Variants in AFG3L2 observed in about 807,000 individuals in gnomAD.
AFG3L2 encodes the protein AFG3 like matrix AAA peptidase subunit 2.
AFG3L2 carries 54 observed loss-of-function variants against 94.5 expected under a neutral mutation model. The ratio of observed to expected loss-of-function variants is 0.57; its 90% CI spans 0.46 to 0.72. The LOEUF (loss-of-function observed/expected upper bound fraction) is 0.72. AFG3L2 is among the 30% of genes least tolerant of loss of function. AFG3L2 has a pLI of 0.00. For synonymous variants in AFG3L2, 377 were observed against 365.5 expected (o/e 1.03, Z -0.36); for missense variants, 754 against 994.9 (o/e 0.76, Z 3.26).
Position 12,370,221 on chromosome 18 carries a change from T to G in AFG3L2, c.292+628A>C, listed in dbSNP as rs138903911. On this transcript the variant is annotated intron_variant, in intron 3 of 16. Coordinates refer to ENST00000269143, the MANE Select transcript of AFG3L2 (RefSeq NM_006796.3). ...AACACTGCCCTAAACACAATATGTA[T>G]CAAATAAATTGCATGTATTAGATTT... Among the ~76,000 whole-genome samples, 892 of 152,224 alleles carry G rather than the reference T, an allele frequency of 5.9e-3. 8 individuals carry two copies. The highest frequency in any genetic ancestry group is 0.02 in the African/African-American group (845 of 41,550).
At chr18:12,351,542 G>GTTT in intron 10 of AFG3L2, 129 bp from the exon 11 acceptor site, 3 of 723,758 alleles carry the variant, frequency 4.1e-6, no homozygotes, top group East Asian at 3.0e-5. Flanking sequence ...ATTATCTAGT[G>GTTT]TTTTTTGTTT....
At chr18:12,339,561 A>AC (rs1443905372) in intron 15 of AFG3L2, among the ~76,000 whole-genome samples, 3 of 150,424 alleles carry the variant, frequency 2.0e-5, no homozygotes, top group Admixed American at 6.6e-5. Flanking sequence ...TCAAAAAAAA[A>AC]AAAAAACAAA....
In AFG3L2 at chr18:12,371,478, A is replaced by AT. The variant is rs1908988676; in HGVS notation, c.214+113dup. ...CAAATGTGTTACATTTGAAGATGAC[A>AT]TATCTTCATCGCTGTAATCAGACAT... On this transcript the variant is annotated intron_variant, in intron 2 of 16. Transcript: ENST00000269143. 5 of 822,614 alleles carry AT rather than the reference A, an allele frequency of 6.1e-6. No homozygotes were observed. The East Asian group carries it at 1.3e-4, about 21-fold the overall frequency. The allele number at this position is 822,614 out of a possible 1,614,324, so 51.0% of individuals were successfully genotyped here. A position where few individuals can be genotyped will look rare whatever the true frequency, so the allele number is the denominator to read the frequency against.
At chr18:12,351,059 T>C (rs778918433) in intron 12 of AFG3L2, 26 bp downstream of exon 12, 44 of 1,611,958 alleles carry the variant, frequency 2.7e-5, no homozygotes, top group Non-Finnish European at 8.5e-7. Flanking sequence ...TGCTTCTAAA[T>C]AGGGTCCTCG....
chr18:12,369,174 A>G (rs1226824417), intron 3 of AFG3L2, among the ~76,000 whole-genome samples: 2 of 152,096 alleles, frequency 1.3e-5, no homozygotes, highest in African/African-American at 4.8e-5. Context: ...CAACACTCCA[A>G]ACCACTCAGG....
At chr18:12,342,428 T>C (rs1227420191) in intron 14 of AFG3L2, 15 of 152,236 alleles carry the variant, frequency 9.9e-5, no homozygotes. Context: ...CTAAGAGTTC[T>C]TTACAGGTTC....
chr18:12,350,434 G>A (rs1184866032), intron 12 of AFG3L2, among the ~76,000 whole-genome samples: 2 of 148,860 alleles, frequency 1.3e-5, no homozygotes, highest in Non-Finnish European at 2.9e-5. Flanking sequence ...TTAAAAAAAC[G>A]CTTAGGAATA....
Position 12,363,867 on chromosome 18 carries a change from A to T in AFG3L2, c.553-11T>A, listed in dbSNP as rs1908731434. On this transcript the variant is annotated splice_polypyrimidine_tract_variant and intron_variant, in intron 5 of 16. Transcript: ENST00000269143. ...TTCCAATCTGTCTACCTAGAATTTT[A>T]AAAATAAATTCACACATAAATTCAC... 4.4e-6 allele frequency: 7 copies of T among 1,601,172 alleles called. No individual in the cohort carries two copies. Among genetic ancestry groups the T allele is most frequent in the Non-Finnish European group, 6.0e-6 (7 of 1,168,750 alleles).
intron 5 of AFG3L2, among the ~76,000 whole-genome samples, chr18:12,364,646 T>A (rs976804798): frequency 1.3e-5 from 2 of 152,184 alleles, no homozygotes; most frequent in Admixed American, 6.5e-5. Context: ...AGCTTTTTTT[T>A]AAATTGAATC....
At chr18:12,358,589 A>G in intron 8 of AFG3L2, 81 bp downstream of exon 8, 1 of 1,495,814 alleles carries the variant, frequency 6.7e-7, no homozygotes, top group Non-Finnish European at 9.1e-7. Context: ...AGCTATCTAT[A>G]ATAAGTAATC....
chr18:12,346,937 G>T (rs1389612844), intron 13 of AFG3L2, among the ~76,000 whole-genome samples: 8 of 136,878 alleles, frequency 5.8e-5, no homozygotes, highest in Non-Finnish European at 1.2e-4. Context: ...AGGAGTTAGA[G>T]ACCAGCCTGG....
chr18:12,366,106 G>A (rs923198988), intron 5 of AFG3L2, among the ~76,000 whole-genome samples: 6 of 151,970 alleles, frequency 3.9e-5, no homozygotes, highest in Non-Finnish European at 8.8e-5. Context: ...TCAATCTCCT[G>A]ACCTCGTGAT....
At chr18:12,368,688 C>A (rs1908883785) in intron 3 of AFG3L2, among the ~76,000 whole-genome samples, 1 of 152,136 alleles carries the variant, frequency 6.6e-6, no homozygotes, top group South Asian at 2.1e-4. Flanking sequence ...GCAACCTCTG[C>A]CTTCCAGGTT....
At chr18:12,367,237 A>T in intron 4 of AFG3L2, 39 bp downstream of exon 4, 2 of 1,613,648 alleles carry the variant, frequency 1.2e-6, no homozygotes, top group Non-Finnish European at 1.7e-6. Flanking sequence ...CTGGGCCACC[A>T]TCATAACCTC....
rs369807161 is a variant in AFG3L2, at chr18:12,337,919, G to A, written c.1981-384C>T. Among the ~76,000 whole-genome samples, 52 of 152,232 alleles carry A rather than the reference G, an allele frequency of 3.4e-4. No individual in the cohort carries two copies. In the East Asian group the frequency reaches 6.2e-3, roughly 18 times the overall value. ...CAAGCAGCTGGGATTATAGGCACCTGCCACCACTCCCGGCTAATTTTTGTA... is the reference window on the plus strand; with the variant it reads ...CAAGCAGCTGGGATTATAGGCACCTACCACCACTCCCGGCTAATTTTTGTA... On this transcript the variant is annotated intron_variant, in intron 15 of 16. Coordinates refer to ENST00000269143, the MANE Select transcript of AFG3L2 (RefSeq NM_006796.3).
Position 12,367,391 on chromosome 18 carries a change from A to C in AFG3L2, c.293-9T>G. 9 of 1,613,706 alleles carry C rather than the reference A, an allele frequency of 5.6e-6. No individual in the cohort carries two copies. The highest frequency in any genetic ancestry group is 6.8e-6 in the Non-Finnish European group (8 of 1,179,780). ...AGCAGCTGGCTTTGATTCTGTTCAT[A>C]AACAAAGAGCACACACAGAAGCACG... is the stretch of plus-strand genomic sequence containing the variant. On this transcript the variant is annotated splice_polypyrimidine_tract_variant and intron_variant, in intron 3 of 16. Transcript: ENST00000269143.
At position 12,344,122 on chromosome 18, in the gene AFG3L2, C is replaced by A; in HGVS notation, c.1779+10G>T. 6.2e-7 allele frequency: 1 copy of A among 1,611,768 alleles called. No individual in the cohort carries two copies. The highest frequency in any genetic ancestry group is 8.5e-7 in the Non-Finnish European group (1 of 1,179,250). On this transcript the variant is annotated intron_variant, in intron 14 of 16. Coordinates refer to ENST00000269143, the MANE Select transcript of AFG3L2 (RefSeq NM_006796.3). ...TGCACTGGCTGCCTAGTGCAGCTAC[C>A]CTGCTTCACCTTTAAAAGCGGGTCT...
intron 6 of AFG3L2, 112 bp downstream of exon 6, chr18:12,363,670 T>C (rs1908725362): frequency 2.4e-6 from 2 of 842,558 alleles, no homozygotes; most frequent in South Asian, 1.4e-5. Flanking sequence ...TGCCCAGTTC[T>C]GATATATCTG....
At chr18:12,330,084 T>C (rs544304377) in intron 16 of AFG3L2, among the ~76,000 whole-genome samples, 2 of 152,322 alleles carry the variant, frequency 1.3e-5, no homozygotes, top group African/African-American at 2.4e-5. Context: ...CCTGTAATCC[T>C]AGCACTTTGG....
Sources: allele counts gnomAD v4.1 joint callset (sites outside exome capture counted in the v4.1 genomes callset), GRCh38; gene constraint gnomAD v4.1.1; transcripts MANE v1.5; gene names NCBI Gene and HGNC (gene_info 2026-07-23, HGNC 2026-07-21).